SHROOM2: variants seen among roughly 807,000 people sequenced by gnomAD.
SHROOM2 encodes protein Shroom2.
SHROOM2 carries 33 observed loss-of-function variants against 75.9 expected under a neutral mutation model. The observed-to-expected ratio is 0.43, with a 90% CI of 0.33 to 0.58. The LOEUF (loss-of-function observed/expected upper bound fraction) is 0.58, where lower values mean the gene tolerates loss of function less well. Among genes scored for constraint, SHROOM2 ranks in the 20% least tolerant of loss-of-function variants. The pLI is 0.04. For missense variants in SHROOM2, 1,434 were observed against 1,461.2 expected (o/e 0.98, Z 0.30); for synonymous variants, 655 against 663.6 (o/e 0.99, Z 0.20).
At chrX:9,807,999 T>G (rs2083765081) in intron 1 of SHROOM2, among the ~76,000 whole-genome samples, 1 of 111,847 alleles carries the variant, frequency 8.9e-6, no homozygotes, top group South Asian at 3.7e-4. Flanking sequence ...AGCCCCGAGC[T>G]TTTGGCCTGG....
In SHROOM2 at chrX:9,909,427, C is replaced by A. The variant is rs183287262; in HGVS notation, c.2891+11137C>A. 2.9e-3 allele frequency among the ~76,000 whole-genome samples: 330 copies of A among 112,631 alleles called. 1 individual carries two copies. Among genetic ancestry groups the A allele is most frequent in the African/African-American group, 0.01 (314 of 31,031 alleles). ...TTAAGGAGGTGGAGCATAGCTCCCC[C>A]GCTCCCCGCTCAGTGTGGGCTGCCA... On this transcript the variant is annotated intron_variant, in intron 5 of 9. Coordinates refer to ENST00000380913, the MANE Select transcript of SHROOM2 (RefSeq NM_001649.4).
At chrX:9,945,235 G>A (rs1385338013) in intron 9 of SHROOM2, among the ~76,000 whole-genome samples, 1 of 110,296 alleles carries the variant, frequency 9.1e-6, no homozygotes, top group Non-Finnish European at 1.9e-5. Context: ...CAGCTTCCCG[G>A]GTAGCTGAGC....
chrX:9,948,295 T>C lies in SHROOM2; in HGVS notation c.*1358T>C, dbSNP rs1296199966. The C allele has an allele frequency of 1.8e-5, 2 of 112,950 alleles. No homozygotes were observed. Among genetic ancestry groups the C allele is most frequent in the Non-Finnish European group, 3.7e-5 (2 of 53,444 alleles). 9.3% of individuals were successfully genotyped at this position (112,950 alleles called of 1,213,427 possible). Reference sequence around the variant, plus strand: ...ATAATTTATAACTTACTTATTTTTATCTAATAATTGTAGATTCAGTGTATT... The same window carrying C: ...ATAATTTATAACTTACTTATTTTTACCTAATAATTGTAGATTCAGTGTATT... On this transcript the variant is annotated 3_prime_UTR_variant, in exon 10 of 10. Coordinates refer to ENST00000380913, the MANE Select transcript of SHROOM2 (RefSeq NM_001649.4).
chrX:9,878,329 C>T (rs2084212337), intron 2 of SHROOM2, among the ~76,000 whole-genome samples: 1 of 111,355 alleles, frequency 9.0e-6, no homozygotes, highest in African/African-American at 3.3e-5. Context: ...AGCCCTAAAC[C>T]CTCTTGTGAA....
At chrX:9,918,484 A>G (rs771135439) in intron 5 of SHROOM2, among the ~76,000 whole-genome samples, 1 of 111,033 alleles carries the variant, frequency 9.0e-6, no homozygotes, top group East Asian at 2.8e-4. Context: ...TCCCTCGCAT[A>G]TCTTTTCTTT....
At chrX:9,871,224 C>G (rs765804969) in intron 1 of SHROOM2, among the ~76,000 whole-genome samples, 1 of 112,278 alleles carries the variant, frequency 8.9e-6, no homozygotes, top group East Asian at 2.8e-4. Context: ...TAAGCAAAGT[C>G]AGCCACATCA....
rs753446748 is a variant in SHROOM2, at chrX:9,854,706, G to A, written c.166-18946G>A. Among the ~76,000 whole-genome samples, 9 of 111,498 alleles carry A rather than the reference G, an allele frequency of 8.1e-5. No individual in the cohort carries two copies. In the East Asian group the frequency reaches 2.5e-3, roughly 31 times the overall value. The stretch of plus-strand genomic sequence containing the variant: ...TTTTAAGAGTGGGAATCACAGCTTG[G>A]GGGGCAGGGAGTTGAGAGCTTCTGC... On this transcript the variant is annotated intron_variant, in intron 1 of 9. Transcript: ENST00000380913.
At chrX:9,852,542 A>G (rs1315958544) in intron 1 of SHROOM2, among the ~76,000 whole-genome samples, 1 of 112,025 alleles carries the variant, frequency 8.9e-6, no homozygotes, top group Non-Finnish European at 1.9e-5. Flanking sequence ...TGGCCTCCCA[A>G]AGTGCTGGGA....
intron 1 of SHROOM2, among the ~76,000 whole-genome samples, chrX:9,803,638 C>T (rs896671077): frequency 1.8e-5 from 2 of 112,026 alleles, no homozygotes; most frequent in Non-Finnish European, 3.8e-5. Flanking sequence ...TCCTGTCTTC[C>T]TGGGAAGGTG....
chrX:9,946,308 GC>G (rs901491747), intron 9 of SHROOM2, among the ~76,000 whole-genome samples: 11 of 113,220 alleles, frequency 9.7e-5, no homozygotes, highest in Non-Finnish European at 1.5e-4. Context: ...CGCCAAGAGG[GC>G]CCCGCAGTCC....
chrX:9,922,395 G>A (rs2084554048), intron 5 of SHROOM2, among the ~76,000 whole-genome samples: 1 of 110,129 alleles, frequency 9.1e-6, no homozygotes, highest in Admixed American at 9.6e-5. Context: ...AATCAAAACA[G>A]TAAGTTCCAG....
intron 1 of SHROOM2, among the ~76,000 whole-genome samples, chrX:9,834,415 C>T (rs976082959): frequency 8.9e-6 from 1 of 112,224 alleles, no homozygotes; most frequent in African/African-American, 3.2e-5. Context: ...TAGGTGCCTG[C>T]AGAACCGAGC....
intron 1 of SHROOM2, among the ~76,000 whole-genome samples, chrX:9,848,510 C>CACAAAAAAAAAAA (rs1555927073): frequency 1.4e-4 from 3 of 22,017 alleles, no homozygotes; most frequent in African/African-American, 4.6e-4. Flanking sequence ...GACTCCGTCT[C>CACAAAAAAAAAAA]AAAAAAAAAA....
intron 5 of SHROOM2, among the ~76,000 whole-genome samples, chrX:9,909,683 C>A (rs1484041150): frequency 8.9e-6 from 1 of 112,311 alleles, no homozygotes; most frequent in Non-Finnish European, 1.9e-5. Context: ...CAGACAGTTC[C>A]CAATTGAGAG....
intron 5 of SHROOM2, among the ~76,000 whole-genome samples, chrX:9,928,843 C>A (rs1354877842): frequency 4.4e-5 from 5 of 112,422 alleles, no homozygotes; most frequent in Non-Finnish European, 9.4e-5. Flanking sequence ...ACCAGACATA[C>A]ACATACAACG....
At position 9,912,240 on chromosome X, in the gene SHROOM2, CACACACACACAT is replaced by C. The variant is rs1184056333; in HGVS notation, c.2891+13952_2891+13963del. On this transcript the variant is annotated intron_variant, in intron 5 of 9. Coordinates refer to ENST00000380913, the MANE Select transcript of SHROOM2 (RefSeq NM_001649.4). ...ACACACACACACACACACACACACA[CACACACACACAT>C]AAAGGAAGACTGCCCCCCAAGCCTT... Among the ~76,000 whole-genome samples the C allele has an allele frequency of 1.5e-4, 9 of 59,319 alleles. 1 individual carries two copies. Among genetic ancestry groups the C allele is most frequent in the African/African-American group, 5.7e-4 (9 of 15,722 alleles). The allele number at this position is 59,319 out of a possible 115,157, so 51.5% of individuals were successfully genotyped here.
At chrX:9,788,715 T>C (rs962685609) in intron 1 of SHROOM2, among the ~76,000 whole-genome samples, 2 of 110,671 alleles carry the variant, frequency 1.8e-5, no homozygotes, top group African/African-American at 6.6e-5. Flanking sequence ...AATACCTTCG[T>C]CACATCGGTT....
chrX:9,895,334 G>C lies in SHROOM2; in HGVS notation c.1426G>C (p.Gly476Arg), dbSNP rs201256775. Reference sequence around the variant, plus strand: ...CCAGAAGCTGGGGAGCGGCTGGCAGGGTCCCCGGCCCTGTGTGCAGGGAGA... The same window carrying C: ...CCAGAAGCTGGGGAGCGGCTGGCAGCGTCCCCGGCCCTGTGTGCAGGGAGA... Reference protein sequence around the residue: ...CDQKLGSGWQGPRPCVQGDLQ... With the variant: ...CDQKLGSGWQRPRPCVQGDLQ... Residue 476 changes from glycine (G) to arginine (R), a missense_variant, in exon 4 of 10, where the codon GGT (glycine) becomes CGT (arginine). Transcript: ENST00000380913. 635 of 1,171,662 alleles carry C rather than the reference G, an allele frequency of 5.4e-4. 12 individuals carry two copies. The East Asian group carries it at 0.012, about 21-fold the overall frequency.
intron 1 of SHROOM2, among the ~76,000 whole-genome samples, chrX:9,823,629 T>C (rs1438513517): frequency 8.9e-6 from 1 of 111,930 alleles, no homozygotes; most frequent in Non-Finnish European, 1.9e-5. Flanking sequence ...TAGTAGTTAC[T>C]TCTCCCAGGA....
Sources: gnomAD v4.1 joint callset for allele counts (sites outside exome capture counted in the v4.1 genomes callset) on GRCh38, gnomAD v4.1.1 for gene constraint, MANE v1.5 for transcripts, NCBI Gene and HGNC (gene_info 2026-07-23, HGNC 2026-07-21) for gene names.